Variants in CSMD1 observed in about 807,000 individuals in gnomAD.
CSMD1 encodes CUB and sushi domain-containing protein 1.
In CSMD1, 213 loss-of-function variants were observed where a neutral mutation model predicts 417.5. That is an observed-to-expected ratio of 0.51 (90% CI 0.46 to 0.57). The LOEUF is 0.57. CSMD1 is among the 20% of genes least tolerant of loss of function. CSMD1 has a pLI of 0.00. For synonymous variants in CSMD1, 2,862 were observed against 1,736.8 expected, an observed-to-expected ratio of 1.65 and a Z score of -16.11; for missense variants, 6,923 against 4,529.7, an observed-to-expected ratio of 1.53 and a Z score of -15.17.
chr8:4,792,997 T>C (rs1209343870), intron 1 of CSMD1, among the ~76,000 whole-genome samples: 1 of 151,644 alleles, frequency 6.6e-6, no homozygotes, highest in Non-Finnish European at 1.5e-5. Context: ...TATATATATA[T>C]ATATATATAT....
chr8:4,234,481 T>C (rs527700426), intron 3 of CSMD1, among the ~76,000 whole-genome samples: 2 of 152,300 alleles, frequency 1.3e-5, no homozygotes, highest in African/African-American at 4.8e-5. Context: ...GAGACCTGCT[T>C]ATCCTTGAGG....
intron 3 of CSMD1, among the ~76,000 whole-genome samples, chr8:4,283,292 T>C (rs1395252433): frequency 6.6e-6 from 1 of 152,216 alleles, no homozygotes; most frequent in African/African-American, 2.4e-5. Flanking sequence ...TCTGTGACAT[T>C]TGATTTTGTT....
chr8:3,889,716 T>A (rs1042540817), intron 5 of CSMD1, among the ~76,000 whole-genome samples: 1 of 151,746 alleles, frequency 6.6e-6, no homozygotes, highest in Non-Finnish European at 1.5e-5. Context: ...AATTGAGCTA[T>A]GGATTTTGTG....
At chr8:2,991,435 T>G (rs1806377668) in intron 54 of CSMD1, among the ~76,000 whole-genome samples, 1 of 152,212 alleles carries the variant, frequency 6.6e-6, no homozygotes, top group Non-Finnish European at 1.5e-5. Context: ...AAGTTTATAT[T>G]CATCAAAATG....
chr8:3,947,567 AT>A (rs1811316052), intron 5 of CSMD1, among the ~76,000 whole-genome samples: 1 of 152,232 alleles, frequency 6.6e-6, no homozygotes, highest in African/African-American at 2.4e-5. Context: ...ATATTTGGAA[AT>A]TAAATAAACC....
chr8:4,809,479 G>A (rs1040627587), intron 1 of CSMD1, among the ~76,000 whole-genome samples: 3 of 152,078 alleles, frequency 2.0e-5, no homozygotes, highest in African/African-American at 7.2e-5. Context: ...GAGACTTCCA[G>A]GGGATTGCCA....
At chr8:4,282,332 C>T (rs566773474) in intron 3 of CSMD1, among the ~76,000 whole-genome samples, 33 of 152,284 alleles carry the variant, frequency 2.2e-4, no homozygotes, top group African/African-American at 7.2e-4. Flanking sequence ...GGGTCAAGAT[C>T]ATAACACAGA....
intron 3 of CSMD1, among the ~76,000 whole-genome samples, chr8:4,128,036 G>A (rs1202684046): frequency 2.0e-5 from 3 of 152,168 alleles, no homozygotes; most frequent in Non-Finnish European, 4.4e-5. Flanking sequence ...ATATTCTTCA[G>A]GTGATTTATA....
intron 1 of CSMD1, among the ~76,000 whole-genome samples, chr8:4,898,219 A>T (rs368837799): frequency 6.6e-6 from 1 of 152,164 alleles, no homozygotes; most frequent in Non-Finnish European, 1.5e-5. Context: ...ATTAAAACGC[A>T]CACATGAACG....
intron 2 of CSMD1, among the ~76,000 whole-genome samples, chr8:4,552,313 C>T (rs972395367): frequency 6.6e-6 from 1 of 152,088 alleles, no homozygotes; most frequent in African/African-American, 2.4e-5. Flanking sequence ...TATGCATATC[C>T]CTACACTCAA....
intron 2 of CSMD1, among the ~76,000 whole-genome samples, chr8:4,535,250 T>C (rs1429609045): frequency 1.3e-5 from 2 of 152,214 alleles, no homozygotes; most frequent in Non-Finnish European, 2.9e-5. Flanking sequence ...TTTTAAATAA[T>C]TTAAATGAAT....
At chr8:4,986,093 G>T (rs1205293696) in intron 1 of CSMD1, among the ~76,000 whole-genome samples, 2 of 152,182 alleles carry the variant, frequency 1.3e-5, no homozygotes, top group African/African-American at 4.8e-5. Flanking sequence ...GGGATAGTTT[G>T]AAATGTGGTG....
chr8:3,495,540 C>G (rs1375455957), intron 10 of CSMD1, among the ~76,000 whole-genome samples: 3 of 152,182 alleles, frequency 2.0e-5, no homozygotes, highest in South Asian at 2.1e-4. Context: ...ATCAGCAGGT[C>G]CTGTTGTCAA....
At chr8:4,661,267 T>G (rs1804589342) in intron 1 of CSMD1, among the ~76,000 whole-genome samples, 1 of 152,162 alleles carries the variant, frequency 6.6e-6, no homozygotes, top group African/African-American at 2.4e-5. Context: ...CCATAACATC[T>G]AATACCACTC....
chr8:4,218,698 T>C (rs1234695841), intron 3 of CSMD1, among the ~76,000 whole-genome samples: 1 of 152,168 alleles, frequency 6.6e-6, no homozygotes, highest in Non-Finnish European at 1.5e-5. Context: ...TCTCTTCAAA[T>C]AGAGGCAACC....
At position 4,648,119 on chromosome 8, in the gene CSMD1, G is replaced by A. The variant is rs567700093; in HGVS notation, c.86-10561C>T. Reference sequence around the variant, plus strand: ...TAATAATTGCCATTCTGACTGGCATGAGATGGCATCTCACTGTGGTTTTGA... The same window carrying A: ...TAATAATTGCCATTCTGACTGGCATAAGATGGCATCTCACTGTGGTTTTGA... On this transcript the variant is annotated intron_variant, in intron 1 of 69. Coordinates refer to ENST00000635120, the MANE Select transcript of CSMD1 (RefSeq NM_033225.6). Among the ~76,000 whole-genome samples the A allele has an allele frequency of 2.0e-5, 3 of 152,304 alleles. No homozygotes were observed. The South Asian group carries it at 6.2e-4, about 32-fold the overall frequency.
chr8:3,494,101 T>A (rs1390778841), intron 10 of CSMD1, among the ~76,000 whole-genome samples: 2 of 152,198 alleles, frequency 1.3e-5, no homozygotes, highest in Admixed American at 6.5e-5. Flanking sequence ...TTTTACCATA[T>A]CCAGAATGCT....
In CSMD1 at chr8:3,994,447, G is replaced by GAAAAA. The variant is rs56184992; in HGVS notation, c.818+3451_818+3455dup. The stretch of plus-strand genomic sequence containing the variant: ...TAGGCTACACCATCAAATCTCTTCA[G>GAAAAA]AAAAAAAAAAAAAAAAAAAGAACAC... On this transcript the variant is annotated intron_variant, in intron 5 of 69. Coordinates refer to ENST00000635120, the MANE Select transcript of CSMD1 (RefSeq NM_033225.6). 7.5e-4 allele frequency among the ~76,000 whole-genome samples: 89 copies of GAAAAA among 119,106 alleles called. 1 individual carries two copies. The highest frequency in any genetic ancestry group is 2.6e-3 in the East Asian group (11 of 4,288). 78.1% of individuals were successfully genotyped at this position (119,106 alleles called of 152,430 possible).
intron 25 of CSMD1, among the ~76,000 whole-genome samples, chr8:3,302,503 C>G (rs374201564): frequency 6.6e-5 from 10 of 152,202 alleles, no homozygotes; most frequent in Non-Finnish European, 1.5e-4. Flanking sequence ...TATCACTTCT[C>G]ATTTCTTCCC....
Sources: gnomAD v4.1 joint callset for allele counts (sites outside exome capture counted in the v4.1 genomes callset) on GRCh38, gnomAD v4.1.1 for gene constraint, MANE v1.5 for transcripts, NCBI Gene and HGNC (gene_info 2026-07-23, HGNC 2026-07-21) for gene names.